The following DAPK1 variants were observed in gnomAD, a reference collection of about 807,000 sequenced individuals.
The protein encoded by DAPK1 is death-associated protein kinase 1.
Under a neutral mutation model 144.9 loss-of-function variants are expected in DAPK1, and 56 were observed. The ratio of observed to expected loss-of-function variants is 0.39; its 90% CI spans 0.31 to 0.48. DAPK1 has a LOEUF of 0.48. DAPK1 is among the 20% of genes least tolerant of loss of function. DAPK1 has a pLI of 0.95. For synonymous variants in DAPK1, 690 were observed against 749.0 expected, an observed-to-expected ratio of 0.92 and a Z score of 1.29; for missense variants, 1,454 against 1,875.4, an observed-to-expected ratio of 0.78 and a Z score of 4.15.
intron 2 of DAPK1, among the ~76,000 whole-genome samples, chr9:87,563,315 T>C (rs1826998938): frequency 6.6e-6 from 1 of 152,212 alleles, no homozygotes; most frequent in Admixed American, 6.5e-5. Context: ...CAAAGATGAA[T>C]ATGATTTTTA....
intron 2 of DAPK1, among the ~76,000 whole-genome samples, chr9:87,577,182 A>G (rs1827591997): frequency 6.6e-6 from 1 of 152,172 alleles, no homozygotes; most frequent in Admixed American, 6.5e-5. Flanking sequence ...TGTGGTTCTC[A>G]AAGTGTGGTT....
At chr9:87,507,035 CA>C (rs1408958686) in intron 2 of DAPK1, 4 of 152,078 alleles carry the variant, frequency 2.6e-5, no homozygotes, top group Non-Finnish European at 4.4e-5. Flanking sequence ...TGTCCCAATC[CA>C]AAACAAAACA....
At chr9:87,680,087 AATTT>A (rs58756761) in intron 19 of DAPK1, among the ~76,000 whole-genome samples, 31 of 150,914 alleles carry the variant, frequency 2.1e-4, no homozygotes, top group African/African-American at 5.3e-4. Context: ...AATATTTTAA[AATTT>A]ATTTATTTAT....
chr9:87,693,735 A>C (rs564780370), intron 21 of DAPK1, among the ~76,000 whole-genome samples: 1 of 152,244 alleles, frequency 6.6e-6, no homozygotes, highest in East Asian at 1.9e-4. Context: ...CATTTTCCTG[A>C]AGATGTGTCT....
intron 14 of DAPK1, 143 bp from the exon 15 acceptor site, chr9:87,648,638 T>C (rs1172567782): frequency 5.9e-6 from 4 of 674,220 alleles, no homozygotes; most frequent in Non-Finnish European, 1.1e-5. Flanking sequence ...CTAGCCACTA[T>C]AGGGGCATCT....
At chr9:87,614,979 T>A (rs1829047026) in intron 3 of DAPK1, among the ~76,000 whole-genome samples, 1 of 152,144 alleles carries the variant, frequency 6.6e-6, no homozygotes, top group African/African-American at 2.4e-5. Flanking sequence ...CAGCCGGGGA[T>A]GGTTCGTCTC....
At chr9:87,619,974 A>G (rs1258867014) in intron 3 of DAPK1, among the ~76,000 whole-genome samples, 2 of 152,094 alleles carry the variant, frequency 1.3e-5, no homozygotes, top group Non-Finnish European at 2.9e-5. Context: ...CCTCCATGGC[A>G]CTCACCCCAA....
intron 19 of DAPK1, among the ~76,000 whole-genome samples, chr9:87,675,098 T>A (rs1824315572): frequency 6.6e-6 from 1 of 152,112 alleles, no homozygotes; most frequent in South Asian, 2.1e-4. Flanking sequence ...CACTGCCTGC[T>A]TCTGTAAATA....
At chr9:87,570,872 A>G (rs1242152704) in intron 2 of DAPK1, among the ~76,000 whole-genome samples, 1 of 152,158 alleles carries the variant, frequency 6.6e-6, no homozygotes, top group Admixed American at 6.5e-5. Flanking sequence ...CTGAAGTGTC[A>G]TATGCTCAGT....
intron 7 of DAPK1, 128 bp downstream of exon 7, chr9:87,639,943 A>G: frequency 1.0e-6 from 1 of 981,218 alleles, no homozygotes; most frequent in Non-Finnish European, 1.5e-6. Context: ...TATTCATTTT[A>G]CACCCCCAAA....
In DAPK1 at chr9:87,651,649, G is replaced by A. The variant is rs201506588; in HGVS notation, c.1749G>A (p.Val583=). 12 of 1,614,194 alleles carry A rather than the reference G, an allele frequency of 7.4e-6. No individual in the cohort carries two copies. The Admixed American group carries it at 2.0e-4, about 27-fold the overall frequency. The part of the protein sequence containing the change: ...QDRHGNTPLH[V]ACKDGNMPIV... ...GGCACGGCAATACTCCCCTCCATGT[G>A]GCATGTAAAGATGGCAACATGCCTA... Residue 583 remains valine, a synonymous_variant, in exon 17 of 26, where the codon GTG becomes GTA. Transcript: ENST00000408954.
chr9:87,589,331 T>C (rs750604447), intron 2 of DAPK1, among the ~76,000 whole-genome samples: 11 of 152,156 alleles, frequency 7.2e-5, no homozygotes, highest in Admixed American at 1.3e-4. Flanking sequence ...CTTTCCGATA[T>C]GGACAGTTCT....
intron 2 of DAPK1, among the ~76,000 whole-genome samples, chr9:87,559,556 C>T (rs532406556): frequency 6.6e-5 from 10 of 152,262 alleles, no homozygotes; most frequent in Admixed American, 6.5e-4. Flanking sequence ...TGGACTTTCC[C>T]TGCAGCTGAG....
chr9:87,561,283 T>C (rs964720488), intron 2 of DAPK1, among the ~76,000 whole-genome samples: 4 of 152,070 alleles, frequency 2.6e-5, no homozygotes, highest in African/African-American at 7.2e-5. Context: ...TCCCAGCACT[T>C]TGGGAGGCCA....
chr9:87,602,897 G>A (rs1042947950), intron 2 of DAPK1, among the ~76,000 whole-genome samples: 6 of 149,734 alleles, frequency 4.0e-5, no homozygotes, highest in South Asian at 2.1e-4. Context: ...CTCCCAAAGC[G>A]GTTTTTCTTT....
intron 18 of DAPK1, among the ~76,000 whole-genome samples, chr9:87,660,807 A>G (rs35311785): frequency 0.19 from 29,179 of 151,994 alleles, 2,888 homozygotes; most frequent in South Asian, 0.24. Flanking sequence ...TACAAAGGAC[A>G]TGATTTCCTT....
At chr9:87,533,110 G>T (rs1280826195) in intron 2 of DAPK1, among the ~76,000 whole-genome samples, 1 of 152,182 alleles carries the variant, frequency 6.6e-6, no homozygotes, top group East Asian at 1.9e-4. Flanking sequence ...AAAAAAATAT[G>T]TGTGCCTGTG....
chr9:87,542,634 C>T (rs1437393476), intron 2 of DAPK1, among the ~76,000 whole-genome samples: 1 of 152,178 alleles, frequency 6.6e-6, no homozygotes, highest in African/African-American at 2.4e-5. Flanking sequence ...CCGGAAGGCT[C>T]ACCAAACCCT....
At chr9:87,517,213 C>G (rs933732765) in intron 2 of DAPK1, among the ~76,000 whole-genome samples, 2 of 151,616 alleles carry the variant, frequency 1.3e-5, no homozygotes, top group Non-Finnish European at 2.9e-5. Context: ...ACTTAGTGGG[C>G]ACCGATAGCA....
Sources: allele counts gnomAD v4.1 joint callset (sites outside exome capture counted in the v4.1 genomes callset), GRCh38; gene constraint gnomAD v4.1.1; transcripts MANE v1.5; gene names NCBI Gene and HGNC (gene_info 2026-07-23, HGNC 2026-07-21).